HEPHL1: variants seen among roughly 807,000 people sequenced by gnomAD.
HEPHL1 encodes ferroxidase HEPHL1.
HEPHL1 carries 123 observed loss-of-function variants against 122.0 expected under a neutral mutation model. The observed-to-expected ratio is 1.01, with a 90% CI of 0.87 to 1.17. The LOEUF is 1.17. Ranked by LOEUF, HEPHL1 falls within the 50% of genes most tolerant of loss-of-function variation. The probability of loss-of-function intolerance (pLI) is 0.00; values close to 1 mark genes in which losing one functional copy is unlikely to be tolerated. For missense variants in HEPHL1, 1,452 were observed against 1,430.5 expected, an observed-to-expected ratio of 1.01 and a Z score of -0.24; for synonymous variants, 527 against 508.9, an observed-to-expected ratio of 1.04 and a Z score of -0.48.
chr11:94,049,584 T>C (rs1035202734), intron 2 of HEPHL1, among the ~76,000 whole-genome samples: 3 of 129,264 alleles, frequency 2.3e-5, no homozygotes, highest in Non-Finnish European at 4.9e-5. Context: ...CTCTGGGTCC[T>C]GAGAATAAAA....
rs762539246 is a variant in HEPHL1 at position 94,086,150 on chromosome 11, C to T, written c.2041C>T (p.His681Tyr). Residue 681 changes from histidine to tyrosine, a missense_variant, in exon 11 of 20, where the codon CAC (histidine) becomes TAC (tyrosine). Transcript: ENST00000315765. Reference protein sequence around the residue: ...THRDSLALFPHMATTAFMQPD... With the variant: ...THRDSLALFPYMATTAFMQPD... ...CCGAGACTCCCTGGCCCTGTTTCCC[C>T]ACATGGCCACAACAGCATTCATGCA... is the stretch of plus-strand genomic sequence containing the variant. 1.1e-5 allele frequency: 17 copies of T among 1,612,786 alleles called. No homozygotes were observed. The South Asian group carries it at 1.7e-4, about 16-fold the overall frequency.
rs182253093 is a variant in HEPHL1 at position 94,029,951 on chromosome 11, C to A, written c.170+8413C>A. Among the ~76,000 whole-genome samples, 279 of 152,224 alleles carry A rather than the reference C, an allele frequency of 1.8e-3. 4 individuals carry two copies. The highest frequency in any genetic ancestry group is 6.8e-3 in the Middle Eastern group (2 of 294). ...CAGAGGTGGGGTCAGGACCTCTTAG[C>A]AGATTAAAAGCAGGAGTACATATGT... is the stretch of plus-strand genomic sequence containing the variant. On this transcript the variant is annotated intron_variant, in intron 1 of 19. Coordinates refer to ENST00000315765, the MANE Select transcript of HEPHL1 (RefSeq NM_001098672.2).
intron 13 of HEPHL1, among the ~76,000 whole-genome samples, chr11:94,096,710 T>G (rs963190533): frequency 1.1e-4 from 17 of 152,250 alleles, no homozygotes; most frequent in Non-Finnish European, 2.1e-4. Context: ...GTTATTGGTC[T>G]ATTCAGTAAT....
chr11:94,075,175 A>C lies in HEPHL1; in HGVS notation c.1506A>C (p.Gly502=). The C allele has an allele frequency of 6.2e-7, 1 of 1,612,152 alleles. No individual in the cohort carries two copies. Among genetic ancestry groups the C allele is most frequent in the South Asian group, 1.1e-5 (1 of 90,760 alleles). ...KASDAAPNLD[G]FVKPGAHVKP... is the part of the protein sequence containing the mutation. ...TAATTGTTTTGTTTATATCCTCAGG[A>C]TTTGTGAAACCAGGGGCGCATGTTA... Residue 502 remains glycine, a splice_region_variant and synonymous_variant, in exon 9 of 20, where the codon GGA becomes GGC. Coordinates refer to ENST00000315765, the MANE Select transcript of HEPHL1 (RefSeq NM_001098672.2).
intron 11 of HEPHL1, among the ~76,000 whole-genome samples, chr11:94,088,319 A>G (rs1946234556): frequency 6.6e-6 from 1 of 152,192 alleles, no homozygotes; most frequent in Non-Finnish European, 1.5e-5. Context: ...AATTTATGAA[A>G]TCCTTTAGGG....
rs1945891430 is a variant in HEPHL1 at position 94,051,673 on chromosome 11, G to A, written c.415+5756G>A. On this transcript the variant is annotated intron_variant, in intron 2 of 19. Transcript: ENST00000315765. ...ATCCCATTTGTCCACTTGTGCCTTG[G>A]TTGCCTGGCTTGTGGGGTATTACTC... 2.0e-5 allele frequency among the ~76,000 whole-genome samples: 3 copies of A among 152,060 alleles called. 1 individual carries two copies. Among genetic ancestry groups the A allele is most frequent in the African/African-American group, 7.3e-5 (3 of 41,374 alleles).
At chr11:94,037,371 C>A (rs532583666) in intron 1 of HEPHL1, among the ~76,000 whole-genome samples, 1 of 151,986 alleles carries the variant, frequency 6.6e-6, no homozygotes, top group East Asian at 1.9e-4. Flanking sequence ...CCCACCACAG[C>A]TCAAGGAGGC....
At chr11:94,067,250 G>A (rs887640218) in intron 4 of HEPHL1, among the ~76,000 whole-genome samples, 1 of 152,148 alleles carries the variant, frequency 6.6e-6, no homozygotes, top group African/African-American at 2.4e-5. Context: ...CAGCTCCGAG[G>A]CTGTTCTCAG....
chr11:94,029,489 A>T (rs1945654778), intron 1 of HEPHL1, among the ~76,000 whole-genome samples: 1 of 152,250 alleles, frequency 6.6e-6, no homozygotes, highest in Non-Finnish European at 1.5e-5. Context: ...AGCCCTAAAA[A>T]GCTCTACTAC....
At chr11:94,087,912 T>C (rs893035204) in intron 11 of HEPHL1, among the ~76,000 whole-genome samples, 4 of 152,172 alleles carry the variant, frequency 2.6e-5, no homozygotes, top group Admixed American at 2.0e-4. Context: ...CTGTACATTG[T>C]AGAAGGTTAA....
intron 13 of HEPHL1, among the ~76,000 whole-genome samples, chr11:94,094,053 G>C (rs1166804486): frequency 5.9e-5 from 8 of 136,562 alleles, no homozygotes; most frequent in African/African-American, 2.2e-4. Context: ...CCACCTGCAG[G>C]TTTGTTACAT....
At chr11:94,081,006 G>A (rs1946166682) in intron 9 of HEPHL1, among the ~76,000 whole-genome samples, 1 of 152,130 alleles carries the variant, frequency 6.6e-6, no homozygotes, top group African/African-American at 2.4e-5. Flanking sequence ...GTTCATTGCA[G>A]CACTACTCAC....
intron 1 of HEPHL1, among the ~76,000 whole-genome samples, chr11:94,027,374 C>G (rs1040848813): frequency 2.0e-5 from 3 of 152,206 alleles, no homozygotes; most frequent in Non-Finnish European, 4.4e-5. Flanking sequence ...TACTCAGACA[C>G]AGTGCCTGCC....
intron 2 of HEPHL1, among the ~76,000 whole-genome samples, chr11:94,047,058 C>G (rs1405411599): frequency 6.6e-6 from 1 of 152,234 alleles, no homozygotes; most frequent in East Asian, 1.9e-4. Context: ...GGTGAACACA[C>G]AACTGGGATT....
rs1945619018 is a variant in HEPHL1 at position 94,025,732 on chromosome 11, A to G, written c.170+4194A>G. Among the ~76,000 whole-genome samples, 3 of 152,188 alleles carry G rather than the reference A, an allele frequency of 2.0e-5. No homozygotes were observed. The South Asian group carries it at 6.2e-4, about 31-fold the overall frequency. ...GAGAGAACTCACACATCTATCTGAA[A>G]GAAGGACCAACTGAGGGGAAGCAGG... On this transcript the variant is annotated intron_variant, in intron 1 of 19. Coordinates refer to ENST00000315765, the MANE Select transcript of HEPHL1 (RefSeq NM_001098672.2).
At chr11:94,057,401 T>A (rs1365037707) in intron 2 of HEPHL1, among the ~76,000 whole-genome samples, 2 of 152,122 alleles carry the variant, frequency 1.3e-5, no homozygotes, top group African/African-American at 2.4e-5. Flanking sequence ...GTTATACACA[T>A]GTTAGTAAAT....
At chr11:94,104,217 A>G (rs1946391218) in intron 15 of HEPHL1, among the ~76,000 whole-genome samples, 1 of 152,194 alleles carries the variant, frequency 6.6e-6, no homozygotes, top group Non-Finnish European at 1.5e-5. Context: ...CCAGTAGTAA[A>G]TCAAGGGGTA....
intron 13 of HEPHL1, among the ~76,000 whole-genome samples, chr11:94,099,207 CTGTT>C (rs886759779): frequency 3.3e-5 from 5 of 152,334 alleles, no homozygotes; most frequent in South Asian, 4.1e-4. Flanking sequence ...GATTTGCTCT[CTGTT>C]TGTTAGTTTT....
chr11:94,044,971 T>G (rs767717331), intron 1 of HEPHL1, among the ~76,000 whole-genome samples: 34 of 152,070 alleles, frequency 2.2e-4, no homozygotes, highest in Non-Finnish European at 4.4e-4. Context: ...GCTGGCATGA[T>G]CATGGCTCAC....
Sources: allele counts gnomAD v4.1 joint callset (sites outside exome capture counted in the v4.1 genomes callset), GRCh38; gene constraint gnomAD v4.1.1; transcripts MANE v1.5; gene names NCBI Gene and HGNC (gene_info 2026-07-23, HGNC 2026-07-21).